ETV6: variants seen among roughly 807,000 people sequenced by gnomAD.
ETV6 encodes the protein ETS variant transcription factor 6, also known as transcription factor ETV6.
A neutral mutation model predicts 51.1 loss-of-function variants in ETV6; 16 were observed. The ratio of observed to expected loss-of-function variants is 0.31; its 90% CI spans 0.21 to 0.48. The LOEUF is 0.48. Ranked by LOEUF, ETV6 falls within the 20% of genes least tolerant of loss-of-function variation. The pLI is 0.99. For missense variants in ETV6, 458 were observed against 594.8 expected (o/e 0.77, Z 2.39); for synonymous variants, 240 against 224.1 (o/e 1.07, Z -0.64).
intron 3 of ETV6, among the ~76,000 whole-genome samples, chr12:11,849,400 C>T (rs999435466): frequency 6.6e-6 from 1 of 152,182 alleles, no homozygotes; most frequent in Non-Finnish European, 1.5e-5. Context: ...GTGTGACGCA[C>T]AGCACCTAGC....
intron 1 of ETV6, among the ~76,000 whole-genome samples, chr12:11,686,487 T>G (rs1041303265): frequency 1.3e-5 from 2 of 152,246 alleles, no homozygotes; most frequent in Admixed American, 6.5e-5. Flanking sequence ...GGGTCTGGGA[T>G]GTTTTTGGAG....
intron 3 of ETV6, chr12:11,840,763 A>G: frequency 3.3e-6 from 1 of 304,008 alleles, no homozygotes; most frequent in East Asian, 8.2e-5. Context: ...TTTGGAAGGG[A>G]CACAAACATA....
At chr12:11,717,596 G>A (rs955547808) in intron 1 of ETV6, among the ~76,000 whole-genome samples, 10 of 152,164 alleles carry the variant, frequency 6.6e-5, no homozygotes, top group Non-Finnish European at 1.5e-4. Flanking sequence ...ATTAATAAAA[G>A]GCTCGACCTC....
chr12:11,809,219 A>G (rs1273902181), intron 2 of ETV6, among the ~76,000 whole-genome samples: 1 of 151,930 alleles, frequency 6.6e-6, no homozygotes, highest in Non-Finnish European at 1.5e-5. Context: ...TAATGGCATG[A>G]TGAAACAGAG....
chr12:11,849,294 A>G (rs1387304594), intron 3 of ETV6, among the ~76,000 whole-genome samples: 4 of 151,906 alleles, frequency 2.6e-5, no homozygotes, highest in Admixed American at 1.3e-4. Flanking sequence ...TTTTTTTTGT[A>G]GAGATGGGGA....
chr12:11,850,691 A>G (rs900972646), intron 3 of ETV6, among the ~76,000 whole-genome samples: 13 of 152,244 alleles, frequency 8.5e-5, no homozygotes, highest in Non-Finnish European at 1.8e-4. Context: ...AGATGCCATC[A>G]ACACTGCCAT....
intron 1 of ETV6, among the ~76,000 whole-genome samples, chr12:11,674,141 A>G (rs539163404): frequency 6.6e-6 from 1 of 152,314 alleles, no homozygotes; most frequent in East Asian, 1.9e-4. Flanking sequence ...CTAGCAAACA[A>G]TAAAGAGCAG....
intron 1 of ETV6, among the ~76,000 whole-genome samples, chr12:11,685,574 C>T (rs1591607579): frequency 6.6e-6 from 1 of 151,908 alleles, no homozygotes; most frequent in Non-Finnish European, 1.5e-5. Flanking sequence ...AAGTGGGAAG[C>T]AAATGTACAA....
At chr12:11,694,543 T>C (rs1024759547) in intron 1 of ETV6, among the ~76,000 whole-genome samples, 5 of 152,240 alleles carry the variant, frequency 3.3e-5, no homozygotes, top group Non-Finnish European at 7.3e-5. Context: ...GATGATCATA[T>C]ACAGACAGAA....
chr12:11,752,663 G>A (rs1227057725), intron 2 of ETV6, 84 bp downstream of exon 2: 2 of 1,516,482 alleles, frequency 1.3e-6, no homozygotes, highest in Non-Finnish European at 1.8e-6. Flanking sequence ...CCAGAGAGGG[G>A]CAAGCTCTGA....
chr12:11,845,113 G>T (rs1292156940), intron 3 of ETV6, among the ~76,000 whole-genome samples: 1 of 152,218 alleles, frequency 6.6e-6, no homozygotes, highest in Non-Finnish European at 1.5e-5. Flanking sequence ...ACAGGCGTGA[G>T]CTACTGCACC....
rs775539045 is a variant in ETV6 at position 11,869,678 on chromosome 12, A to G, written c.718A>G (p.Met240Val). The part of the protein sequence containing the change: ...QESYPLSVSP[M>V]ENNHCPASSE... ...GTCCTACCCTCTGTCAGTGTCTCCC[A>G]TGGAGAATAATCACTGCCCAGCGTC... The change falls in exon 5 of 8, where the codon ATG (methionine) becomes GTG (valine). Residue 240 changes from methionine to valine, a missense_variant. Coordinates refer to ENST00000396373, the MANE Select transcript of ETV6 (RefSeq NM_001987.5). The surrounding 1 kb of genome is among the most constrained non-coding windows in gnomAD (Gnocchi z 5.0). 4 of 1,613,964 alleles carry G rather than the reference A, an allele frequency of 2.5e-6. No homozygotes were observed. The highest frequency in any genetic ancestry group is 3.4e-6 in the Non-Finnish European group (4 of 1,180,028).
At chr12:11,650,378 G>A (rs748490753) in intron 1 of ETV6, among the ~76,000 whole-genome samples, 3 of 112,986 alleles carry the variant, frequency 2.7e-5, no homozygotes, top group Non-Finnish European at 3.8e-5. Context: ...CGGCTCCTCG[G>A]CCCCCACCCC....
chr12:11,881,134 C>T (rs572013548), intron 5 of ETV6, among the ~76,000 whole-genome samples: 17 of 152,210 alleles, frequency 1.1e-4, no homozygotes, highest in Admixed American at 7.8e-4. Flanking sequence ...GATGAGGTCT[C>T]GTTATGTTGC....
At chr12:11,729,742 T>A (rs1865558277) in intron 1 of ETV6, among the ~76,000 whole-genome samples, 1 of 152,210 alleles carries the variant, frequency 6.6e-6, no homozygotes, top group African/African-American at 2.4e-5. Context: ...GGCATTACTA[T>A]TTTATTGATT....
chr12:11,824,918 G>T (rs970858764), intron 2 of ETV6, among the ~76,000 whole-genome samples: 1 of 152,176 alleles, frequency 6.6e-6, no homozygotes, highest in Non-Finnish European at 1.5e-5. Flanking sequence ...GTTTGCTAAG[G>T]CTGGAACCAT....
At chr12:11,718,747 C>A (rs769611690) in intron 1 of ETV6, among the ~76,000 whole-genome samples, 27 of 152,024 alleles carry the variant, frequency 1.8e-4, no homozygotes, top group African/African-American at 4.3e-4. Context: ...CAAAAAAATT[C>A]TCAGACAAGC....
chr12:11,665,950 GAC>G (rs1343122193), intron 1 of ETV6, among the ~76,000 whole-genome samples: 1 of 152,234 alleles, frequency 6.6e-6, no homozygotes, highest in Admixed American at 6.5e-5. Context: ...AAACAGCAGA[GAC>G]AGCCCAAGAT....
chr12:11,696,659 T>C (rs1487993867), intron 1 of ETV6, among the ~76,000 whole-genome samples: 1 of 151,976 alleles, frequency 6.6e-6, no homozygotes, highest in Non-Finnish European at 1.5e-5. Context: ...CAACTAAAGA[T>C]ACAAAAATTA....
Sources: allele counts gnomAD v4.1 joint callset (sites outside exome capture counted in the v4.1 genomes callset), GRCh38; gene constraint gnomAD v4.1.1; non-coding constraint Gnocchi (gnomAD v3.1); transcripts MANE v1.5; gene names NCBI Gene and HGNC (gene_info 2026-07-23, HGNC 2026-07-21).